PDE6B: variants seen among roughly 807,000 people sequenced by gnomAD.
The protein encoded by PDE6B is rod cGMP-specific 3',5'-cyclic phosphodiesterase subunit beta.
A neutral mutation model predicts 109.0 loss-of-function variants in PDE6B; 106 were observed. The ratio of observed to expected loss-of-function variants is 0.97; its 90% CI spans 0.83 to 1.14. PDE6B has a LOEUF of 1.14. PDE6B is among the 50% of genes most tolerant of loss of function. The probability of loss-of-function intolerance (pLI) is 0.00; values close to 1 mark genes in which losing one functional copy is unlikely to be tolerated. For missense variants in PDE6B, 1,193 were observed against 1,155.6 expected, an observed-to-expected ratio of 1.03 and a Z score of -0.47; for synonymous variants, 490 against 471.3, an observed-to-expected ratio of 1.04 and a Z score of -0.51.
Position 663,844 on chromosome 4 carries a change from C to A in PDE6B, c.1995C>A (p.Ile665=). Residue 665 remains isoleucine (I), a synonymous_variant, in exon 16 of 22, where the codon ATC becomes ATA. Coordinates refer to ENST00000496514, the MANE Select transcript of PDE6B (RefSeq NM_000283.4). This position sits in a 1 kb window ranked among gnomAD's most constrained non-coding sequence, Gnocchi z 4.0. ...TCCACCTGATGGACATCGCCATCAT[C>A]GCCACGGACCTGGCCCTGTACTTCA... The part of the protein sequence containing the change: ...HVIHLMDIAI[I]ATDLALYFKK... The A allele has an allele frequency of 6.2e-7, 1 of 1,611,828 alleles. No homozygotes were observed. Among genetic ancestry groups the A allele is most frequent in the African/African-American group, 1.3e-5 (1 of 75,020 alleles).
chr4:660,331 C>A, intron 11 of PDE6B, 136 bp from the exon 12 acceptor site: 1 of 871,670 alleles, frequency 1.1e-6, no homozygotes, highest in Non-Finnish European at 1.9e-6. Flanking sequence ...CAGGCTGGAG[C>A]GCCAGGAATG....
At chr4:668,203 C>A (rs1015268570) in intron 21 of PDE6B, among the ~76,000 whole-genome samples, 197 bp downstream of exon 21, 5 of 151,942 alleles carry the variant, frequency 3.3e-5, no homozygotes, top group Admixed American at 2.6e-4. Context: ...CGGTAGCAAA[C>A]CCGGACTGAA....
At chr4:627,797 CTG>C (rs1734188820) in intron 1 of PDE6B, among the ~76,000 whole-genome samples, 1 of 152,062 alleles carries the variant, frequency 6.6e-6, no homozygotes, top group South Asian at 2.1e-4. Context: ...CAAATCTGGG[CTG>C]TGTCTTTCTT....
chr4:670,583 T>C lies in PDE6B; in HGVS notation c.*476T>C, dbSNP rs1738405923. 2 of 201,192 alleles carry C rather than the reference T, an allele frequency of 9.9e-6. No homozygotes were observed. The highest frequency in any genetic ancestry group is 2.1e-5 in the Non-Finnish European group (2 of 96,628). The allele number at this position is 201,192 out of a possible 1,614,324, so 12.5% of individuals were successfully genotyped here. A position where few individuals can be genotyped will look rare whatever the true frequency, so the allele number is the denominator to read the frequency against. ...AGCCAACTGTGAATAAACTGTAGCC[T>C]ACATTACTCATCCATTTTTGGATAG... On this transcript the variant is annotated 3_prime_UTR_variant, in exon 22 of 22. Coordinates refer to ENST00000496514, the MANE Select transcript of PDE6B (RefSeq NM_000283.4).
At chr4:668,275 T>G (rs915314967) in intron 21 of PDE6B, among the ~76,000 whole-genome samples, 1 of 151,950 alleles carries the variant, frequency 6.6e-6, no homozygotes, top group Non-Finnish European at 1.5e-5. Flanking sequence ...CCATATCTTA[T>G]GTCCTTTATA....
At position 625,604 on chromosome 4, in the gene PDE6B, G is replaced by C; in HGVS notation, c.-23G>C. The C allele has an allele frequency of 6.6e-7, 1 of 1,516,740 alleles. No individual in the cohort carries two copies. The highest frequency in any genetic ancestry group is 1.1e-5 in the South Asian group (1 of 89,208). 94.0% of individuals were successfully genotyped at this position (1,516,740 alleles called of 1,614,324 possible). A position where few individuals can be genotyped will look rare whatever the true frequency, so the allele number is the denominator to read the frequency against. On this transcript the variant is annotated 5_prime_UTR_variant, in exon 1 of 22. Transcript: ENST00000496514. The surrounding 1 kb of genome is among the most constrained non-coding windows in gnomAD (Gnocchi z 5.0). Reference sequence around the variant, plus strand: ...GTCCATGCGTGCCTGGAGCAGCAGCGTCTCCAGGGACAGGCAGCCACCATG... The same window carrying C: ...GTCCATGCGTGCCTGGAGCAGCAGCCTCTCCAGGGACAGGCAGCCACCATG...
chr4:650,719 G>T (rs1419559251), intron 3 of PDE6B, among the ~76,000 whole-genome samples: 1 of 152,154 alleles, frequency 6.6e-6, no homozygotes, highest in Non-Finnish European at 1.5e-5. Flanking sequence ...GAGAAGGCTG[G>T]TTGGGGAGGC....
chr4:663,783 A>G lies in PDE6B; in HGVS notation c.1934A>G (p.Tyr645Cys). 6.2e-7 allele frequency: 1 copy of G among 1,611,700 alleles called. No homozygotes were observed. Among genetic ancestry groups the G allele is most frequent in the Non-Finnish European group, 8.5e-7 (1 of 1,178,954 alleles). ...TAACCTCCGCAGACCCTGAACATCT[A>G]CCAGAACCTGAACCGGCGGCAGCAC... The part of the protein sequence containing the change: ...FLLSEETLNI[Y>C]QNLNRRQHEH... The change falls in exon 16 of 22, where the codon TAC becomes TGC. Residue 645 changes from tyrosine (Y) to cysteine (C), a missense_variant. Coordinates refer to ENST00000496514, the MANE Select transcript of PDE6B (RefSeq NM_000283.4). The surrounding 1 kb of genome is among the most constrained non-coding windows in gnomAD (Gnocchi z 4.0).
chr4:663,438 G>A lies in PDE6B; in HGVS notation c.1920+251G>A, dbSNP rs1293964698. On this transcript the variant is annotated intron_variant, in intron 15 of 21. Transcript: ENST00000496514. This position sits in a 1 kb window ranked among gnomAD's most constrained non-coding sequence, Gnocchi z 4.0. Reference sequence around the variant, plus strand: ...ATGGGGTGGGGTGGAAGCCGAAGGGGAAGCGGCCCGGGACCCACCAGCGGG... The same window carrying A: ...ATGGGGTGGGGTGGAAGCCGAAGGGAAAGCGGCCCGGGACCCACCAGCGGG... Among the ~76,000 whole-genome samples, 3 of 152,210 alleles carry A rather than the reference G, an allele frequency of 2.0e-5. No individual in the cohort carries two copies. The highest frequency in any genetic ancestry group is 4.4e-5 in the Non-Finnish European group (3 of 68,038).
At chr4:642,300 C>T (rs1298365403) in intron 3 of PDE6B, among the ~76,000 whole-genome samples, 2 of 151,556 alleles carry the variant, frequency 1.3e-5, no homozygotes, top group Admixed American at 6.6e-5. Context: ...GGAGAAAAAC[C>T]CCCATCTCTA....
At chr4:637,671 G>T (rs1006280155) in intron 3 of PDE6B, among the ~76,000 whole-genome samples, 2 of 152,240 alleles carry the variant, frequency 1.3e-5, no homozygotes, top group Non-Finnish European at 2.9e-5. Flanking sequence ...TGTTGCCGGG[G>T]TCACTGCTTC....
At chr4:631,902 A>G (rs10001451) in intron 1 of PDE6B, among the ~76,000 whole-genome samples, 3,608 of 148,732 alleles carry the variant, frequency 0.024, 142 homozygotes, top group African/African-American at 0.086. Flanking sequence ...TCAGGGTCAC[A>G]TTGCATGGAT....
intron 3 of PDE6B, among the ~76,000 whole-genome samples, chr4:637,388 T>G (rs1185655137): frequency 6.6e-6 from 1 of 152,068 alleles, no homozygotes; most frequent in African/African-American, 2.4e-5. Flanking sequence ...GCCTGGCTAA[T>G]TTTTGTATTT....
In PDE6B at chr4:663,586, CTGG is replaced by C; in HGVS notation, c.1921-180_1921-178del. The C allele has an allele frequency of 3.2e-6, 2 of 633,750 alleles. No homozygotes were observed. Among genetic ancestry groups the C allele is most frequent in the South Asian group, 3.6e-5 (2 of 54,982 alleles). The allele number at this position is 633,750 out of a possible 1,614,324, so 39.3% of individuals were successfully genotyped here. On this transcript the variant is annotated intron_variant, in intron 15 of 21. Coordinates refer to ENST00000496514, the MANE Select transcript of PDE6B (RefSeq NM_000283.4). This position sits in a 1 kb window ranked among gnomAD's most constrained non-coding sequence, Gnocchi z 4.0. ...GCGTCCCAAGCCGACGATGGAGCCGCTGGTGGAGAGCTGGGCACCCTGAGGAGG... is the reference window on the plus strand; with the variant it reads ...GCGTCCCAAGCCGACGATGGAGCCGCTGGAGAGCTGGGCACCCTGAGGAGG...
rs1164567439 is a variant in PDE6B, at chr4:654,254, G to A, written c.927+100G>A. On this transcript the variant is annotated intron_variant, in intron 5 of 21. Transcript: ENST00000496514. Reference sequence around the variant, plus strand: ...GGGAGGGATAGGGGTGGGGTTTAGGGAGGTGGGAACTGGCCGGTGGGACCC... The same window carrying A: ...GGGAGGGATAGGGGTGGGGTTTAGGAAGGTGGGAACTGGCCGGTGGGACCC... 5.3e-6 allele frequency: 6 copies of A among 1,140,722 alleles called. No homozygotes were observed. The Admixed American group carries it at 9.7e-5, about 19-fold the overall frequency. The allele number at this position is 1,140,722 out of a possible 1,614,324, so 70.7% of individuals were successfully genotyped here. A position where few individuals can be genotyped will look rare whatever the true frequency, so the allele number is the denominator to read the frequency against.
chr4:640,773 C>T (rs1166714179), intron 3 of PDE6B, among the ~76,000 whole-genome samples: 1 of 152,180 alleles, frequency 6.6e-6, no homozygotes, highest in Non-Finnish European at 1.5e-5. Flanking sequence ...TCCAGTTGAT[C>T]CAGCACCATA....
chr4:651,853 G>A (rs1735587773), intron 3 of PDE6B: 1 of 153,206 alleles, frequency 6.5e-6, no homozygotes, highest in Non-Finnish European at 1.5e-5. Flanking sequence ...TGACTGAGCT[G>A]ACTTCTTCAC....
intron 5 of PDE6B, chr4:654,430 C>G (rs1267428731): frequency 3.2e-6 from 2 of 620,616 alleles, no homozygotes; most frequent in African/African-American, 1.8e-5. Context: ...CCCCATCTCC[C>G]CACGTGGGAC....
chr4:669,680 G>C (rs192108992), intron 21 of PDE6B, among the ~76,000 whole-genome samples: 2 of 56,162 alleles, frequency 3.6e-5, no homozygotes, highest in Non-Finnish European at 3.1e-5. Context: ...TGCTATTCCC[G>C]CTACCCCATG....
Sources: allele counts gnomAD v4.1 joint callset (sites outside exome capture counted in the v4.1 genomes callset), GRCh38; gene constraint gnomAD v4.1.1; non-coding constraint Gnocchi (gnomAD v3.1); transcripts MANE v1.5; gene names NCBI Gene and HGNC (gene_info 2026-07-23, HGNC 2026-07-21).